Variants in DPYD observed in about 807,000 individuals in gnomAD.
DPYD encodes the protein dihydropyrimidine dehydrogenase [NADP(+)].
In DPYD, 109 loss-of-function variants were observed where a neutral mutation model predicts 116.2. The ratio of observed to expected loss-of-function variants is 0.94; its 90% confidence interval spans 0.80 to 1.10. DPYD has a LOEUF of 1.10. Among genes scored for constraint, DPYD ranks in the 50% least tolerant of loss-of-function variants. The pLI is 0.00. For synonymous variants in DPYD, 440 were observed against 432.0 expected (o/e 1.02, Z -0.23); for missense variants, 1,302 against 1,254.5 (o/e 1.04, Z -0.57).
intron 7 of DPYD, among the ~76,000 whole-genome samples, chr1:97,681,048 T>C (rs1660403668): frequency 1.3e-5 from 2 of 152,140 alleles, no homozygotes; most frequent in African/African-American, 2.4e-5. Context: ...CTACACTGAA[T>C]AGTGCACCTA....
At position 97,843,727 on chromosome 1, in the gene DPYD, G is replaced by C. The variant is rs953300382; in HGVS notation, c.151-15531C>G. On this transcript the variant is annotated intron_variant, in intron 2 of 22. Transcript: ENST00000370192. ...AATTATTTTCATATGTACAGCATTT[G>C]TATGAATTTGATCTGTATGAATTTC... Among the ~76,000 whole-genome samples, 4 of 152,044 alleles carry C rather than the reference G, an allele frequency of 2.6e-5. No homozygotes were observed. The East Asian group carries it at 7.7e-4, about 29-fold the overall frequency.
At chr1:97,079,776 T>C (rs1372975649) in intron 22 of DPYD, among the ~76,000 whole-genome samples, 12 of 152,100 alleles carry the variant, frequency 7.9e-5, no homozygotes, top group South Asian at 2.1e-4. Flanking sequence ...CTGACACTAT[T>C]GAGCCCAGAT....
intron 8 of DPYD, among the ~76,000 whole-genome samples, chr1:97,655,398 T>C (rs1163138371): frequency 6.6e-6 from 1 of 152,176 alleles, no homozygotes; most frequent in African/African-American, 2.4e-5. Flanking sequence ...AAGCCTCAAA[T>C]AGAGCGAGAC....
chr1:97,585,096 A>G (rs1028078907), intron 10 of DPYD, among the ~76,000 whole-genome samples: 1 of 152,072 alleles, frequency 6.6e-6, no homozygotes, highest in African/African-American at 2.4e-5. Flanking sequence ...GAAGTTTTCA[A>G]TGCTTTTAAT....
At chr1:97,454,371 A>G (rs1357365845) in intron 13 of DPYD, among the ~76,000 whole-genome samples, 1 of 151,878 alleles carries the variant, frequency 6.6e-6, no homozygotes, top group East Asian at 1.9e-4. Flanking sequence ...ATGATTTCAT[A>G]AGAGAATATT....
chr1:97,415,873 A>T (rs989093326), intron 14 of DPYD, among the ~76,000 whole-genome samples: 1 of 152,086 alleles, frequency 6.6e-6, no homozygotes, highest in African/African-American at 2.4e-5. Context: ...GTTAATTTCT[A>T]TGTGTTTGTC....
intron 4 of DPYD, among the ~76,000 whole-genome samples, chr1:97,725,729 A>C (rs560941337): frequency 6.6e-6 from 1 of 151,828 alleles, no homozygotes; most frequent in Admixed American, 6.6e-5. Flanking sequence ...ATGCTGGAAT[A>C]TCTGAATATT....
chr1:97,702,922 T>G (rs1661686426), intron 5 of DPYD, among the ~76,000 whole-genome samples: 1 of 151,808 alleles, frequency 6.6e-6, no homozygotes, highest in South Asian at 2.1e-4. Flanking sequence ...CAACACAGAG[T>G]TAAAGACTCT....
At chr1:97,872,703 C>A (rs953740337) in intron 2 of DPYD, among the ~76,000 whole-genome samples, 2 of 151,860 alleles carry the variant, frequency 1.3e-5, no homozygotes, top group Non-Finnish European at 2.9e-5. Context: ...AAAGAATGTG[C>A]CTTTTTAACA....
At chr1:97,893,823 C>T (rs1672905440) in intron 1 of DPYD, among the ~76,000 whole-genome samples, 1 of 151,588 alleles carries the variant, frequency 6.6e-6, no homozygotes, top group Non-Finnish European at 1.5e-5. Flanking sequence ...GACTCTCCTT[C>T]ACTTCTAAAA....
intron 3 of DPYD, among the ~76,000 whole-genome samples, chr1:97,805,347 G>A (rs1668031055): frequency 6.6e-6 from 1 of 151,778 alleles, no homozygotes. Context: ...GACCAGGCAC[G>A]AAACTTTCTT....
intron 3 of DPYD, among the ~76,000 whole-genome samples, chr1:97,752,475 T>TA (rs1419562639): frequency 6.6e-6 from 1 of 152,202 alleles, no homozygotes; most frequent in African/African-American, 2.4e-5. Context: ...GTGATCTTTT[T>TA]AAAATCCCTG....
intron 16 of DPYD, chr1:97,322,559 G>A (rs1489672456): frequency 6.6e-6 from 1 of 151,854 alleles, no homozygotes; most frequent in African/African-American, 2.4e-5. Flanking sequence ...TGAAATTCAT[G>A]GATACTGGAT....
At chr1:97,373,838 C>G (rs1671440586) in intron 15 of DPYD, among the ~76,000 whole-genome samples, 194 bp from the exon 16 acceptor site, 1 of 152,200 alleles carries the variant, frequency 6.6e-6, no homozygotes, top group Non-Finnish European at 1.5e-5. Context: ...CAACAACAAT[C>G]ACACACCAAA....
At chr1:97,328,874 C>A (rs1668840571) in intron 16 of DPYD, among the ~76,000 whole-genome samples, 2 of 152,210 alleles carry the variant, frequency 1.3e-5, no homozygotes, top group Non-Finnish European at 2.9e-5. Context: ...ATGTTGCAAT[C>A]AATTATTACA....
intron 3 of DPYD, among the ~76,000 whole-genome samples, chr1:97,794,395 C>T (rs1207996133): frequency 6.6e-6 from 1 of 152,004 alleles, no homozygotes; most frequent in Non-Finnish European, 1.5e-5. Context: ...AAACAAATGT[C>T]CTAAACAGAC....
At chr1:97,555,190 A>G (rs77540430) in intron 11 of DPYD, among the ~76,000 whole-genome samples, 1,887 of 151,894 alleles carry the variant, frequency 0.012, 23 homozygotes, top group Non-Finnish European at 0.021. Flanking sequence ...ATGCTCCTCT[A>G]CCCTGGCTCT....
At position 97,465,824 on chromosome 1, in the gene DPYD, C is replaced by T. The variant is rs148376300; in HGVS notation, c.1741-15601G>A. ...TAGCTCGATTATCTTGGGCACAAGTCGTCAAGCCCTACTGAGGCTGTGTCA... is the reference window on the plus strand; with the variant it reads ...TAGCTCGATTATCTTGGGCACAAGTTGTCAAGCCCTACTGAGGCTGTGTCA... On this transcript the variant is annotated intron_variant, in intron 13 of 22. Transcript: ENST00000370192. Among the ~76,000 whole-genome samples, 713 of 152,316 alleles carry T rather than the reference C, an allele frequency of 4.7e-3. 3 individuals carry two copies. Among genetic ancestry groups the T allele is most frequent in the Middle Eastern group, 0.017 (5 of 294 alleles).
At chr1:97,360,273 A>G (rs1237860581) in intron 16 of DPYD, among the ~76,000 whole-genome samples, 1 of 152,244 alleles carries the variant, frequency 6.6e-6, no homozygotes, top group East Asian at 1.9e-4. Flanking sequence ...TGCACCCAAT[A>G]CAGGAGCACC....
Sources: gnomAD v4.1 joint callset for allele counts (sites outside exome capture counted in the v4.1 genomes callset) on GRCh38, gnomAD v4.1.1 for gene constraint, MANE v1.5 for transcripts, NCBI Gene and HGNC (gene_info 2026-07-23, HGNC 2026-07-21) for gene names.